The following PLCE1 variants were observed in gnomAD, a reference collection of about 807,000 sequenced individuals.
The protein encoded by PLCE1 is 1-phosphatidylinositol 4,5-bisphosphate phosphodiesterase epsilon-1.
PLCE1 carries 119 observed loss-of-function variants against 242.8 expected under a neutral mutation model. The ratio of observed to expected loss-of-function variants is 0.49; its 90% CI spans 0.42 to 0.57. The LOEUF (loss-of-function observed/expected upper bound fraction) is 0.57. Among genes scored for constraint, PLCE1 ranks in the 20% least tolerant of loss-of-function variants. The probability of loss-of-function intolerance (pLI) is 0.00; values close to 1 mark genes in which losing one functional copy is unlikely to be tolerated. For synonymous variants in PLCE1, 945 were observed against 1,017.4 expected (o/e 0.93, Z 1.35); for missense variants, 2,441 against 2,788.8 (o/e 0.88, Z 2.81).
rs1442664929 is a variant in PLCE1, at chr10:94,031,504, A to C, written c.458A>C (p.Gln153Pro). The C allele has an allele frequency of 2.5e-6, 4 of 1,612,948 alleles. No homozygotes were observed. The highest frequency in any genetic ancestry group is 2.5e-6 in the Non-Finnish European group (3 of 1,179,838). The change falls in exon 2 of 33, where the codon CAA becomes CCA. Residue 153 changes from glutamine (Q) to proline (P), a missense_variant. This residue lies in a region of PLCE1 where 393 missense variants were observed against 378.5 expected (regional missense o/e 1.04). Coordinates refer to ENST00000371380, the MANE Select transcript of PLCE1 (RefSeq NM_016341.4). The part of the protein sequence containing the change: ...PLERKVFPGI[Q>P]LELDRPSMGI... ...GAAAGAAAGGTGTTCCCTGGAATTC[A>C]ACTGGAACTAGACAGACCTTCCATG...
chr10:94,141,299 C>A (rs2046946474), intron 3 of PLCE1, among the ~76,000 whole-genome samples: 1 of 152,236 alleles, frequency 6.6e-6, no homozygotes, highest in African/African-American at 2.4e-5. Context: ...CTGAACATAG[C>A]ACTCCATTCC....
At chr10:94,026,332 C>T (rs1430755415) in intron 1 of PLCE1, among the ~76,000 whole-genome samples, 1 of 152,158 alleles carries the variant, frequency 6.6e-6, no homozygotes, top group Non-Finnish European at 1.5e-5. Context: ...ATTGGACATA[C>T]TATCTTGACA....
intron 1 of PLCE1, among the ~76,000 whole-genome samples, chr10:94,028,416 G>A (rs914970573): frequency 6.6e-6 from 1 of 152,156 alleles, no homozygotes; most frequent in Non-Finnish European, 1.5e-5. Context: ...CCCAGAGCAT[G>A]CGAGAGAGGA....
chr10:94,038,467 C>T (rs2061708100), intron 2 of PLCE1, among the ~76,000 whole-genome samples: 1 of 152,168 alleles, frequency 6.6e-6, no homozygotes, highest in South Asian at 2.1e-4. Flanking sequence ...AGCTCAGGCA[C>T]CAGAACCCTG....
At chr10:94,176,476 A>T (rs1322089903) in intron 4 of PLCE1, among the ~76,000 whole-genome samples, 2 of 152,154 alleles carry the variant, frequency 1.3e-5, no homozygotes, top group Non-Finnish European at 2.9e-5. Flanking sequence ...CATATTTTTT[A>T]AAAATAAGAA....
chr10:94,254,810 C>A, intron 10 of PLCE1, 83 bp from the exon 11 acceptor site: 1 of 1,483,680 alleles, frequency 6.7e-7, no homozygotes, highest in Non-Finnish European at 9.4e-7. Context: ...CTCAGACATC[C>A]AGAAGCCTCT....
intron 30 of PLCE1, 94 bp from the exon 31 acceptor site, chr10:94,324,255 T>C (rs1438082011): frequency 1.0e-6 from 1 of 957,114 alleles, no homozygotes; most frequent in Non-Finnish European, 1.7e-6. Context: ...ATCTCTAGTC[T>C]GGGCCATTTT....
At chr10:94,183,263 G>T (rs896180522) in intron 4 of PLCE1, among the ~76,000 whole-genome samples, 2 of 152,130 alleles carry the variant, frequency 1.3e-5, no homozygotes, top group African/African-American at 2.4e-5. Context: ...AAATCCAACT[G>T]CCTTCTCAAT....
chr10:94,078,314 C>A (rs912559697), intron 2 of PLCE1, among the ~76,000 whole-genome samples: 2 of 152,112 alleles, frequency 1.3e-5, no homozygotes, highest in South Asian at 2.1e-4. Flanking sequence ...TTGAAATGAG[C>A]AGGTTGTGGT....
chr10:94,268,985 G>T lies in PLCE1; in HGVS notation c.4338G>T (p.Gly1446=). The T allele has an allele frequency of 6.2e-7, 1 of 1,612,690 alleles. No individual in the cohort carries two copies. Among genetic ancestry groups the T allele is most frequent in the Non-Finnish European group, 8.5e-7 (1 of 1,178,964 alleles). The change falls in exon 17 of 33, where the codon GGG becomes GGT. Residue 1446 remains glycine (G), a synonymous_variant. Transcript: ENST00000371380. ...TGGACTGCTGGGACGGAGACGATGG[G>T]ATGCCCATCATTTATCATGGACATA... ...VELDCWDGDD[G]MPIIYHGHTL...
intron 7 of PLCE1, among the ~76,000 whole-genome samples, chr10:94,241,165 T>C (rs113166156): frequency 6.5e-4 from 99 of 152,276 alleles, no homozygotes; most frequent in Non-Finnish European, 1.2e-3. Flanking sequence ...CATTCTAAAA[T>C]AAAAACTGAC....
chr10:94,050,502 C>T (rs920086233), intron 2 of PLCE1, among the ~76,000 whole-genome samples: 8 of 152,012 alleles, frequency 5.3e-5, no homozygotes, highest in Non-Finnish European at 1.0e-4. Context: ...GGTGGGGACA[C>T]AAAGCCAAAC....
chr10:94,176,354 C>T (rs1488784771), intron 4 of PLCE1, among the ~76,000 whole-genome samples: 1 of 152,128 alleles, frequency 6.6e-6, no homozygotes, highest in Non-Finnish European at 1.5e-5. Flanking sequence ...GAGCCAAGAT[C>T]GTACTACTGC....
chr10:94,001,972 G>T (rs1224577679), intron 1 of PLCE1, among the ~76,000 whole-genome samples: 1 of 152,190 alleles, frequency 6.6e-6, no homozygotes, highest in Admixed American at 6.5e-5. Context: ...AACTGTCGGG[G>T]TCTGAGTGGA....
intron 13 of PLCE1, among the ~76,000 whole-genome samples, chr10:94,259,375 C>A (rs1166422120): frequency 7.9e-5 from 12 of 152,104 alleles, no homozygotes; most frequent in Non-Finnish European, 1.5e-4. Context: ...CCTCCACCTC[C>A]CGGGTTCAAT....
intron 2 of PLCE1, among the ~76,000 whole-genome samples, chr10:94,062,085 C>T (rs937426747): frequency 6.6e-6 from 1 of 152,162 alleles, no homozygotes; most frequent in African/African-American, 2.4e-5. Context: ...ATGTTAAGAA[C>T]AATACTTGAT....
At chr10:94,221,171 T>G (rs1304646117) in intron 4 of PLCE1, among the ~76,000 whole-genome samples, 4 of 152,210 alleles carry the variant, frequency 2.6e-5, no homozygotes, top group African/African-American at 9.6e-5. Flanking sequence ...ATTATTGATC[T>G]CTGGCCTTAA....
At chr10:94,312,687 C>A (rs2053423965) in intron 27 of PLCE1, among the ~76,000 whole-genome samples, 1 of 152,192 alleles carries the variant, frequency 6.6e-6, no homozygotes, top group Non-Finnish European at 1.5e-5. Flanking sequence ...GATAGTGTCC[C>A]ATTTGCCCCT....
Position 94,246,099 on chromosome 10 carries a change from C to T in PLCE1, c.2574C>T (p.His858=). 1 of 1,614,122 alleles carries T rather than the reference C, an allele frequency of 6.2e-7. No individual in the cohort carries two copies. The highest frequency in any genetic ancestry group is 8.5e-7 in the Non-Finnish European group (1 of 1,180,014). The change falls in exon 8 of 33, where the codon CAC becomes CAT. Residue 858 remains histidine, a synonymous_variant. Transcript: ENST00000371380. ...TGCTGTCCATCCAAGCCGATGTGCA[C>T]CAGTTCCTGCTGCAGGGGGCCACGG... is the stretch of plus-strand genomic sequence containing the variant. ...WYVLSIQADV[H]QFLLQGATVI... is the part of the protein sequence containing the mutation.
Sources: allele counts gnomAD v4.1 joint callset (sites outside exome capture counted in the v4.1 genomes callset), GRCh38; gene constraint gnomAD v4.1.1; regional missense constraint gnomAD v4.1.1; transcripts MANE v1.5; gene names NCBI Gene and HGNC (gene_info 2026-07-23, HGNC 2026-07-21).